RCC2: variants seen among roughly 807,000 people sequenced by gnomAD.
The protein encoded by RCC2 is protein RCC2.
Under a neutral mutation model 64.1 loss-of-function variants are expected in RCC2, and 19 were observed. The ratio of observed to expected loss-of-function variants is 0.30; its 90% CI spans 0.21 to 0.44. RCC2 has a LOEUF of 0.44. RCC2 is among the 20% of genes least tolerant of loss of function. The pLI, the probability that RCC2 is intolerant of heterozygous loss-of-function variation, is 1.00. For synonymous variants in RCC2, 325 were observed against 279.6 expected, an observed-to-expected ratio of 1.16 and a Z score of -1.62; for missense variants, 508 against 710.4, an observed-to-expected ratio of 0.72 and a Z score of 3.24.
intron 3 of RCC2, among the ~76,000 whole-genome samples, chr1:17,426,374 G>A (rs553487854): frequency 6.6e-6 from 1 of 152,076 alleles, no homozygotes; most frequent in Non-Finnish European, 1.5e-5. Context: ...TGACTCCCCT[G>A]ACACCCACCC....
chr1:17,423,950 G>A (rs1305958640), intron 4 of RCC2, among the ~76,000 whole-genome samples: 3 of 152,206 alleles, frequency 2.0e-5, no homozygotes, highest in Admixed American at 6.5e-5. Flanking sequence ...CCTCTGACTC[G>A]CTCTAATTAA....
chr1:17,425,798 G>A (rs1284892439), intron 3 of RCC2, 114 bp from the exon 4 acceptor site: 15 of 1,105,782 alleles, frequency 1.4e-5, no homozygotes, highest in South Asian at 3.1e-5. Context: ...GGTGTTCCTC[G>A]GGTGCCACCC....
intron 4 of RCC2, among the ~76,000 whole-genome samples, chr1:17,424,038 A>G (rs2075586135): frequency 6.6e-6 from 1 of 152,184 alleles, no homozygotes; most frequent in Admixed American, 6.5e-5. Context: ...GGAGCTGCCC[A>G]AGTTCATGTG....
At chr1:17,427,678 G>A (rs2075632128) in intron 3 of RCC2, among the ~76,000 whole-genome samples, 1 of 152,106 alleles carries the variant, frequency 6.6e-6, no homozygotes, top group Non-Finnish European at 1.5e-5. Flanking sequence ...AACTTGCTTG[G>A]CCAAGGGGAG....
At chr1:17,428,198 A>C (rs114042651) in intron 3 of RCC2, among the ~76,000 whole-genome samples, 1 of 152,260 alleles carries the variant, frequency 6.6e-6, no homozygotes, top group African/African-American at 2.4e-5. Context: ...ACACGGGCAC[A>C]GGACTGGCAA....
intron 2 of RCC2, among the ~76,000 whole-genome samples, chr1:17,433,054 A>G (rs1461370561): frequency 6.6e-6 from 1 of 152,242 alleles, no homozygotes; most frequent in African/African-American, 2.4e-5. Flanking sequence ...ACGTGTGTAT[A>G]CATATACATA....
chr1:17,431,626 T>G lies in RCC2; in HGVS notation c.286-2427A>C, dbSNP rs560612914. Among the ~76,000 whole-genome samples the G allele has an allele frequency of 1.2e-4, 18 of 151,798 alleles. No individual in the cohort carries two copies. The East Asian group carries it at 3.5e-3, about 29-fold the overall frequency. The stretch of plus-strand genomic sequence containing the variant: ...TTTGGCAGTACGGCTCACGCATTTC[T>G]AAGATTACACATCTTCATGACGGAT... On this transcript the variant is annotated intron_variant, in intron 2 of 12. Transcript: ENST00000375436.
intron 3 of RCC2, among the ~76,000 whole-genome samples, chr1:17,428,534 G>C (rs543319680): frequency 6.6e-6 from 1 of 152,274 alleles, no homozygotes; most frequent in African/African-American, 2.4e-5. Context: ...CATAAAAGTT[G>C]GCTACATGCC....
At chr1:17,418,305 G>A (rs2075512715) in intron 7 of RCC2, among the ~76,000 whole-genome samples, 1 of 146,938 alleles carries the variant, frequency 6.8e-6, no homozygotes, top group Non-Finnish European at 1.5e-5. Context: ...ACTGTCTTAT[G>A]ACAGCAGTTC....
At chr1:17,428,976 G>A in intron 3 of RCC2, 130 bp downstream of exon 3, 1 of 723,186 alleles carries the variant, frequency 1.4e-6, no homozygotes, top group Non-Finnish European at 2.5e-6. Flanking sequence ...TGGCTGTGTG[G>A]CCTCAGGCAA....
chr1:17,438,266 C>A lies in RCC2; in HGVS notation c.249G>T (p.Val83=). The stretch of plus-strand genomic sequence containing the variant: ...TGGTGTGCTCGGGTTCGGTGATGAC[C>A]ACGGCCGCGCCGCCCGCCTTGCCTG... ...ATAGKAGGAA[V]VITEPEHTKE... is the part of the protein sequence containing the mutation. Residue 83 remains valine, a synonymous_variant, in exon 2 of 13, where the codon GTG becomes GTT. Transcript: ENST00000375436. 2 of 1,317,938 alleles carry A rather than the reference C, an allele frequency of 1.5e-6. No homozygotes were observed. The allele number at this position is 1,317,938 out of a possible 1,614,324, so 81.6% of individuals were successfully genotyped here. A position where few individuals can be genotyped will look rare whatever the true frequency, so the allele number is the denominator to read the frequency against.
intron 2 of RCC2, among the ~76,000 whole-genome samples, chr1:17,434,654 G>A (rs114809124): frequency 6.6e-6 from 1 of 152,336 alleles, no homozygotes; most frequent in Non-Finnish European, 1.5e-5. Flanking sequence ...GGTGTCTGGG[G>A]TGGAAGGACA....
At chr1:17,413,287 T>C in intron 9 of RCC2, 109 bp from the exon 10 acceptor site, 2 of 921,134 alleles carry the variant, frequency 2.2e-6, no homozygotes, top group Non-Finnish European at 3.5e-6. Flanking sequence ...AAGTGTTCTG[T>C]CTAAAAGATA....
chr1:17,413,982 T>C (rs1352710365), intron 8 of RCC2, among the ~76,000 whole-genome samples: 1 of 151,894 alleles, frequency 6.6e-6, no homozygotes, highest in African/African-American at 2.4e-5. Flanking sequence ...CAAAGAAATA[T>C]CCTTTGCCTG....
At chr1:17,435,560 C>A (rs780240110) in intron 2 of RCC2, among the ~76,000 whole-genome samples, 1 of 152,268 alleles carries the variant, frequency 6.6e-6, no homozygotes, top group Non-Finnish European at 1.5e-5. Flanking sequence ...CAACCCAGGA[C>A]AAGGGGCAGA....
At chr1:17,412,927 G>A in intron 10 of RCC2, 146 bp downstream of exon 10, 1 of 635,530 alleles carries the variant, frequency 1.6e-6, no homozygotes, top group Non-Finnish European at 2.8e-6. Flanking sequence ...CCCGGACTCT[G>A]GGATTCAGTG....
chr1:17,416,915 A>G (rs1338443422), intron 7 of RCC2, among the ~76,000 whole-genome samples: 3 of 152,238 alleles, frequency 2.0e-5, no homozygotes, highest in Admixed American at 6.5e-5. Context: ...TACACATAAT[A>G]ATGGCACCAT....
chr1:17,415,178 A>C (rs2075469600), intron 8 of RCC2, among the ~76,000 whole-genome samples: 1 of 152,232 alleles, frequency 6.6e-6, no homozygotes, highest in Admixed American at 6.5e-5. Flanking sequence ...CAGACAAAAC[A>C]AATCAGTTTT....
chr1:17,426,625 T>C (rs899705278), intron 3 of RCC2, among the ~76,000 whole-genome samples: 2 of 151,744 alleles, frequency 1.3e-5, no homozygotes, highest in Non-Finnish European at 2.9e-5. Context: ...AGCTGTAGGC[T>C]CCCTCCAGCC....
Sources: allele counts gnomAD v4.1 joint callset (sites outside exome capture counted in the v4.1 genomes callset), GRCh38; gene constraint gnomAD v4.1.1; transcripts MANE v1.5; gene names NCBI Gene and HGNC (gene_info 2026-07-23, HGNC 2026-07-21).